PDE8B: variants seen among roughly 807,000 people sequenced by gnomAD.
The protein encoded by PDE8B is phosphodiesterase 8B.
A neutral mutation model predicts 101.3 loss-of-function variants in PDE8B; 26 were observed. That is an observed-to-expected ratio of 0.26 (90% CI 0.19 to 0.36). The LOEUF (loss-of-function observed/expected upper bound fraction) is 0.36. Among genes scored for constraint, PDE8B ranks in the 10% least tolerant of loss-of-function variants. The pLI is 1.00. For synonymous variants in PDE8B, 424 were observed against 429.3 expected, an observed-to-expected ratio of 0.99 and a Z score of 0.15; for missense variants, 810 against 1,163.1, an observed-to-expected ratio of 0.70 and a Z score of 4.42.
At chr5:77,102,322 T>G in the PDE8B span, among the ~76,000 whole-genome samples, 1 of 152,172 alleles carries the variant, frequency 6.6e-6, no homozygotes, top group South Asian at 2.1e-4. Flanking sequence ...AGAGTCCAGA[T>G]CTAGAGCAAG....
intron 1 of PDE8B, among the ~76,000 whole-genome samples, chr5:77,228,427 C>T (rs916700882): frequency 4.2e-4 from 64 of 152,196 alleles, no homozygotes; most frequent in Middle Eastern, 3.4e-3. Flanking sequence ...GGAAGTGTTC[C>T]ATGGAAGCAT....
chr5:77,406,457 G>T (rs1343854829), intron 12 of PDE8B, among the ~76,000 whole-genome samples: 4 of 152,228 alleles, frequency 2.6e-5, no homozygotes, highest in African/African-American at 9.6e-5. Context: ...ATTTTAGTCT[G>T]AGAGGATAAG....
chr5:77,303,121 T>G (rs1770352721), intron 1 of PDE8B, among the ~76,000 whole-genome samples: 1 of 152,194 alleles, frequency 6.6e-6, no homozygotes, highest in Admixed American at 6.5e-5. Flanking sequence ...AACACCAAAA[T>G]AGGAAATAGA....
the PDE8B span, chr5:77,112,153 G>A: frequency 1.3e-5 from 2 of 152,112 alleles, no homozygotes; most frequent in African/African-American, 4.8e-5. Context: ...ATTGGAAGTA[G>A]GCTCATTTCC....
intron 1 of PDE8B, among the ~76,000 whole-genome samples, chr5:77,218,813 CT>C (rs1313727126): frequency 2.0e-5 from 3 of 152,118 alleles, no homozygotes; most frequent in African/African-American, 7.2e-5. Context: ...GCTATTATTA[CT>C]CTTTGGGTAA....
At chr5:77,347,682 A>G (rs889133267) in intron 7 of PDE8B, among the ~76,000 whole-genome samples, 1 of 152,218 alleles carries the variant, frequency 6.6e-6, no homozygotes, top group Admixed American at 6.5e-5. Flanking sequence ...AGTCACTGAA[A>G]GTCTGCACAG....
intron 10 of PDE8B, among the ~76,000 whole-genome samples, chr5:77,377,921 G>A (rs543473691): frequency 3.3e-5 from 5 of 151,872 alleles, no homozygotes; most frequent in African/African-American, 1.2e-4. Flanking sequence ...TGCAGACATC[G>A]TATCATGGGA....
At chr5:77,276,139 G>A (rs148849958) in intron 1 of PDE8B, among the ~76,000 whole-genome samples, 1 of 152,334 alleles carries the variant, frequency 6.6e-6, no homozygotes, top group African/African-American at 2.4e-5. Flanking sequence ...TGTCTCTAAG[G>A]TATGACACTT....
chr5:77,221,939 C>T (rs1018605018), intron 1 of PDE8B, among the ~76,000 whole-genome samples: 1 of 152,152 alleles, frequency 6.6e-6, no homozygotes, highest in Non-Finnish European at 1.5e-5. Context: ...CTCCACTGAC[C>T]ACCCTGGGGG....
At chr5:77,118,098 C>A in the PDE8B span, among the ~76,000 whole-genome samples, 15,799 of 151,948 alleles carry the variant, frequency 0.1, 1,011 homozygotes, top group East Asian at 0.16. Context: ...CCACACCCGG[C>A]TAATTTTTTA....
At chr5:77,403,604 T>A (rs1792771700) in intron 11 of PDE8B, among the ~76,000 whole-genome samples, 1 of 152,092 alleles carries the variant, frequency 6.6e-6, no homozygotes, top group Non-Finnish European at 1.5e-5. Flanking sequence ...TAGATAATTT[T>A]AAAAATATAT....
At chr5:77,277,638 A>G (rs1460871513) in intron 1 of PDE8B, among the ~76,000 whole-genome samples, 2 of 152,130 alleles carry the variant, frequency 1.3e-5, no homozygotes, top group African/African-American at 4.8e-5. Context: ...TTTTTATTAT[A>G]TCTTGCATTT....
chr5:77,099,637 A>T, the PDE8B span, among the ~76,000 whole-genome samples: 83 of 147,990 alleles, frequency 5.6e-4, no homozygotes, highest in African/African-American at 2.0e-3. Flanking sequence ...TGTGAGACGG[A>T]GTCTTACTCT....
chr5:77,169,703 C>T, the PDE8B span, among the ~76,000 whole-genome samples: 1 of 152,178 alleles, frequency 6.6e-6, no homozygotes, highest in African/African-American at 2.4e-5. Flanking sequence ...ACCTGACCCT[C>T]ATCCCCATCC....
chr5:77,241,357 T>A (rs1036316736), intron 1 of PDE8B, among the ~76,000 whole-genome samples: 2 of 152,184 alleles, frequency 1.3e-5, no homozygotes, highest in Non-Finnish European at 2.9e-5. Flanking sequence ...ACTCAGATAT[T>A]GAGAGAAGAA....
chr5:77,256,495 G>A (rs1470298347), intron 1 of PDE8B, among the ~76,000 whole-genome samples: 1 of 152,134 alleles, frequency 6.6e-6, no homozygotes, highest in African/African-American at 2.4e-5. Context: ...ATTCAGTCAC[G>A]CATCTTGTAA....
chr5:77,210,965 G>A lies in PDE8B; in HGVS notation c.40G>A (p.Val14Met). Residue 14 changes from valine to methionine, a missense_variant, in exon 1 of 22, where the codon GTG becomes ATG. Val to Met is a conservative substitution (Grantham distance 21). Coordinates refer to ENST00000264917, the MANE Select transcript of PDE8B (RefSeq NM_003719.5). The surrounding 1 kb of genome is among the most constrained non-coding windows in gnomAD (Gnocchi z 4.9). ...APSIHVSQSG[V>M]IYCRDSDESS... ...CAGCATCCATGTCTCGCAGAGCGGC[G>A]TGATCTACTGCCGGGACTCGGACGA... 1 of 1,529,586 alleles carries A rather than the reference G, an allele frequency of 6.5e-7. No homozygotes were observed. The allele number at this position is 1,529,586 out of a possible 1,614,324, so 94.8% of individuals were successfully genotyped here.
At chr5:77,362,497 G>C (rs1783294274) in intron 10 of PDE8B, among the ~76,000 whole-genome samples, 1 of 152,114 alleles carries the variant, frequency 6.6e-6, no homozygotes, top group Admixed American at 6.5e-5. Context: ...CTTTATATCA[G>C]TAAAATGTAT....
chr5:77,405,309 G>A (rs1025118308), intron 12 of PDE8B, among the ~76,000 whole-genome samples: 5 of 152,210 alleles, frequency 3.3e-5, no homozygotes, highest in African/African-American at 4.8e-5. Flanking sequence ...GTAAACAACT[G>A]GATTTGCAGG....
Sources: allele counts gnomAD v4.1 joint callset (sites outside exome capture counted in the v4.1 genomes callset), GRCh38; gene constraint gnomAD v4.1.1; non-coding constraint Gnocchi (gnomAD v3.1); transcripts MANE v1.5; gene names NCBI Gene and HGNC (gene_info 2026-07-23, HGNC 2026-07-21).